ZNF124: variants seen among roughly 807,000 people sequenced by gnomAD.
The protein encoded by ZNF124 is zinc finger protein HZF-16.
ZNF124 carries 25 observed loss-of-function variants against 26.6 expected under a neutral mutation model. That is an observed-to-expected ratio of 0.94 (90% CI 0.68 to 1.31). ZNF124 has a LOEUF of 1.31. ZNF124 is among the 40% of genes most tolerant of loss of function. The pLI is 0.00. For synonymous variants in ZNF124, 129 were observed against 133.3 expected (o/e 0.97, Z 0.22); for missense variants, 444 against 422.2 (o/e 1.05, Z -0.45).
downstream of ZNF124, among the ~76,000 whole-genome samples, chr1:247,151,145 A>G (rs1232150753): frequency 2.0e-5 from 3 of 152,194 alleles, no homozygotes; most frequent in Non-Finnish European, 4.4e-5. Context: ...GCCTGAGACC[A>G]TCACACAGCA....
At chr1:247,158,363 A>T (rs558405573) in intron 3 of ZNF124, among the ~76,000 whole-genome samples, 17 of 152,164 alleles carry the variant, frequency 1.1e-4, no homozygotes, top group African/African-American at 4.1e-4. Context: ...TTCTGCCATG[A>T]CTGGAAGCTC....
downstream of ZNF124, among the ~76,000 whole-genome samples, chr1:247,154,296 A>G (rs1386643559): frequency 6.6e-6 from 1 of 152,160 alleles, no homozygotes; most frequent in East Asian, 1.9e-4. Context: ...TGATGGTTTT[A>G]TAAGAATCTG....
intron 3 of ZNF124, among the ~76,000 whole-genome samples, chr1:247,130,904 A>C (rs1672341760): frequency 6.6e-6 from 1 of 152,132 alleles, no homozygotes; most frequent in Non-Finnish European, 1.5e-5. Context: ...GGTGAAACCT[A>C]TCTCTACTAA....
rs1427605816 is a variant in ZNF124 at position 247,168,076 on chromosome 1, T to C, written c.30+3772A>G. Reference sequence around the variant, plus strand: ...TGCTGGGATGCTGGTGTGGATGTGGTGAACAGGGAACACTTCTACACTGCT... The same window carrying C: ...TGCTGGGATGCTGGTGTGGATGTGGCGAACAGGGAACACTTCTACACTGCT... On this transcript the variant is annotated intron_variant, in intron 1 of 3. Transcript: ENST00000543802. This position sits in a 1 kb window ranked among gnomAD's most constrained non-coding sequence, Gnocchi z 4.0. Among the ~76,000 whole-genome samples, 1 of 152,074 alleles carries C rather than the reference T, an allele frequency of 6.6e-6. No homozygotes were observed. The highest frequency in any genetic ancestry group is 1.5e-5 in the Non-Finnish European group (1 of 68,014).
At chr1:247,153,752 C>T (rs149040827), downstream of ZNF124, among the ~76,000 whole-genome samples, 54 of 152,214 alleles carry the variant, frequency 3.5e-4, no homozygotes, top group Non-Finnish European at 4.6e-4. Flanking sequence ...AGTTAGCGTC[C>T]ATAAGAAGGT....
intron 3 of ZNF124, among the ~76,000 whole-genome samples, chr1:247,146,657 TA>T (rs1672786984): frequency 6.6e-6 from 1 of 151,890 alleles, no homozygotes; most frequent in South Asian, 2.1e-4. Context: ...TATGTCCACT[TA>T]GCTTCACTAA....
intron 3 of ZNF124, among the ~76,000 whole-genome samples, chr1:247,137,867 T>A (rs975698671): frequency 1.3e-5 from 2 of 152,186 alleles, no homozygotes; most frequent in African/African-American, 2.4e-5. Flanking sequence ...AAGCTCAACA[T>A]CACTGATCAT....
chr1:247,152,958 T>A (rs950759587), downstream of ZNF124, among the ~76,000 whole-genome samples: 6 of 151,868 alleles, frequency 4.0e-5, no homozygotes, highest in East Asian at 1.2e-3. Flanking sequence ...ACGGTGAAAC[T>A]CCAACTCTAC....
intron 3 of ZNF124, among the ~76,000 whole-genome samples, chr1:247,158,699 A>G (rs12141126): frequency 0.47 from 70,486 of 151,492 alleles, 19,166 homozygotes; most frequent in African/African-American, 0.76. Context: ...GCACAACCTC[A>G]GCTCATTGCA....
At chr1:247,139,065 C>T (rs909234043) in intron 3 of ZNF124, among the ~76,000 whole-genome samples, 1 of 152,208 alleles carries the variant, frequency 6.6e-6, no homozygotes, top group African/African-American at 2.4e-5. Flanking sequence ...CTGGACTGAA[C>T]CGATGTTCAT....
intron 1 of ZNF124, among the ~76,000 whole-genome samples, chr1:247,160,466 G>A (rs1366468172): frequency 4.6e-5 from 7 of 152,126 alleles, no homozygotes; most frequent in African/African-American, 9.7e-5. Context: ...AATATGAGCC[G>A]TCACAAGACT....
intron 3 of ZNF124, among the ~76,000 whole-genome samples, chr1:247,145,718 T>C (rs564449510): frequency 6.6e-6 from 1 of 152,102 alleles, no homozygotes; most frequent in African/African-American, 2.4e-5. Context: ...AACCTCTGTC[T>C]CCTGGGTTCA....
intron 3 of ZNF124, among the ~76,000 whole-genome samples, chr1:247,145,257 A>C (rs985799877): frequency 6.6e-6 from 1 of 152,210 alleles, no homozygotes; most frequent in Non-Finnish European, 1.5e-5. Flanking sequence ...AAGATGGTAA[A>C]ATCAGCCAAT....
At chr1:247,140,900 T>C (rs1390963006) in intron 3 of ZNF124, among the ~76,000 whole-genome samples, 1 of 152,200 alleles carries the variant, frequency 6.6e-6, no homozygotes, top group African/African-American at 2.4e-5. Context: ...TCTCTCCCAC[T>C]TGAATGCTGG....
At chr1:247,141,806 G>A (rs1324257410) in intron 3 of ZNF124, among the ~76,000 whole-genome samples, 4 of 152,226 alleles carry the variant, frequency 2.6e-5, no homozygotes, top group South Asian at 4.1e-4. Flanking sequence ...TCAGTCCCCA[G>A]GAGACCACCT....
At chr1:247,126,467 T>C (rs4925593) in intron 3 of ZNF124, among the ~76,000 whole-genome samples, 941 of 11,850 alleles carry the variant, frequency 0.079, 130 homozygotes, top group African/African-American at 0.28. Flanking sequence ...TCTCGGTCAG[T>C]AGCCCTGCGC....
intron 3 of ZNF124, among the ~76,000 whole-genome samples, chr1:247,147,572 C>G (rs1384228898): frequency 6.6e-6 from 1 of 152,158 alleles, no homozygotes; most frequent in African/African-American, 2.4e-5. Context: ...GCTACATCTA[C>G]TAGCAGAGAG....
At chr1:247,125,428 G>GTTT (rs1672185674) in intron 3 of ZNF124, among the ~76,000 whole-genome samples, 2 of 38,380 alleles carry the variant, frequency 5.2e-5, no homozygotes, top group African/African-American at 8.7e-5. Flanking sequence ...ACCTGTTTTT[G>GTTT]TCTTTTTTTT....
chr1:247,141,997 G>A (rs1171675453), intron 3 of ZNF124, among the ~76,000 whole-genome samples: 1 of 152,196 alleles, frequency 6.6e-6, no homozygotes, highest in Non-Finnish European at 1.5e-5. Context: ...GGACTCCCAG[G>A]TGGCCTGGGT....
Sources: gnomAD v4.1 joint callset for allele counts (sites outside exome capture counted in the v4.1 genomes callset) on GRCh38, gnomAD v4.1.1 for gene constraint, Gnocchi (gnomAD v3.1) non-coding constraint, MANE v1.5 for transcripts, NCBI Gene and HGNC (gene_info 2026-07-23, HGNC 2026-07-21) for gene names.